CA10: variants seen among roughly 807,000 people sequenced by gnomAD.
CA10 encodes carbonic anhydrase-related protein 10.
In CA10, 14 loss-of-function variants were observed where a neutral mutation model predicts 44.2. The observed-to-expected ratio is 0.32, with a 90% CI of 0.21 to 0.50. CA10 has a LOEUF of 0.50. CA10 is among the 20% of genes least tolerant of loss of function. CA10 has a pLI of 0.99. For synonymous variants in CA10, 159 were observed against 141.6 expected (o/e 1.12, Z -0.87); for missense variants, 350 against 409.7 (o/e 0.85, Z 1.26).
At chr17:51,997,292 CCATACCTAGCGCTGTTTTGTTCATCCATG>C (rs1316229308) in intron 2 of CA10, among the ~76,000 whole-genome samples, 1 of 152,050 alleles carries the variant, frequency 6.6e-6, no homozygotes, top group East Asian at 1.9e-4. Flanking sequence ...ATTCATCCAT[CCATACCTAGCGCTGTTTTGTTCATCCATG>C]CATACCTAGC....
rs536294240 is a variant in CA10 at position 51,819,635 on chromosome 17, C to G, written c.280-71817G>C. ...CTGAAGTCACCTAGCAGATTTGCAG[C>G]CTAAAAATAAAGTAACTTTCCAGCA... On this transcript the variant is annotated intron_variant, in intron 3 of 8. Coordinates refer to ENST00000451037, the MANE Select transcript of CA10 (RefSeq NM_020178.5). Among the ~76,000 whole-genome samples, 25 of 152,308 alleles carry G rather than the reference C, an allele frequency of 1.6e-4. No individual in the cohort carries two copies. The South Asian group carries it at 5.2e-3, about 32-fold the overall frequency.
intron 3 of CA10, among the ~76,000 whole-genome samples, chr17:51,924,586 T>C (rs1310213719): frequency 6.6e-6 from 1 of 152,198 alleles, no homozygotes; most frequent in Non-Finnish European, 1.5e-5. Context: ...ATGGACTGAT[T>C]CAACAAGCTC....
chr17:52,060,024 T>A (rs1987339999), intron 2 of CA10, among the ~76,000 whole-genome samples: 1 of 152,202 alleles, frequency 6.6e-6, no homozygotes, highest in Non-Finnish European at 1.5e-5. Context: ...TCTAGCCTTG[T>A]TGAATCTTCC....
chr17:51,860,211 T>C (rs1979240704), intron 3 of CA10, among the ~76,000 whole-genome samples: 1 of 152,210 alleles, frequency 6.6e-6, no homozygotes, highest in South Asian at 2.1e-4. Context: ...GCATTAATTT[T>C]TAAATGGCAT....
rs11870209 is a variant in CA10 at position 51,635,939 on chromosome 17, G to A, written c.705C>T (p.Tyr235=). Residue 235 remains tyrosine (Y), a synonymous_variant, in exon 7 of 9, where the codon TAC becomes TAT. Transcript: ENST00000451037. ...LYPETSSFIT[Y]DGSMTIPPCY... ...AGGGTGGGATAGTCATCGACCCATC[G>A]TAAGTGATGAAACTAGAGGTCTCTG... 732,176 of 1,604,616 alleles carry A rather than the reference G, an allele frequency of 0.46. 170,765 individuals carry two copies. Among genetic ancestry groups the A allele is most frequent in the Non-Finnish European group, 0.47 (555,515 of 1,173,458 alleles).
intron 3 of CA10, among the ~76,000 whole-genome samples, chr17:51,825,165 C>T (rs986237012): frequency 1.2e-4 from 18 of 152,196 alleles, no homozygotes; most frequent in African/African-American, 3.9e-4. Context: ...ATCAGAGCCT[C>T]GCTGCATTTT....
At chr17:51,670,758 T>C (rs1429502655) in intron 4 of CA10, among the ~76,000 whole-genome samples, 1 of 152,198 alleles carries the variant, frequency 6.6e-6, no homozygotes, top group Non-Finnish European at 1.5e-5. Context: ...CCTGTTCTGA[T>C]GCATTATCTC....
intron 2 of CA10, among the ~76,000 whole-genome samples, chr17:52,054,301 C>T (rs1386587210): frequency 5.0e-5 from 7 of 140,590 alleles, no homozygotes; most frequent in Admixed American, 4.9e-4. Context: ...GAAATAAGCC[C>T]CAGTCTCCTG....
At chr17:51,853,103 G>A (rs934827195) in intron 3 of CA10, among the ~76,000 whole-genome samples, 9 of 152,016 alleles carry the variant, frequency 5.9e-5, no homozygotes, top group Non-Finnish European at 1.2e-4. Flanking sequence ...TCCACTGAGA[G>A]ACATTAAACT....
chr17:51,817,902 G>A (rs1473307072), intron 3 of CA10, among the ~76,000 whole-genome samples: 2 of 152,242 alleles, frequency 1.3e-5, no homozygotes, highest in Non-Finnish European at 2.9e-5. Flanking sequence ...CCACCGTGGT[G>A]TAATTAGTAA....
intron 2 of CA10, among the ~76,000 whole-genome samples, chr17:51,943,950 TGA>T (rs1398970948): frequency 6.6e-6 from 1 of 152,006 alleles, no homozygotes; most frequent in African/African-American, 2.4e-5. Context: ...CCCTGCCCCT[TGA>T]GAGAGTTACA....
chr17:52,078,690 T>C (rs1285040741), intron 1 of CA10, among the ~76,000 whole-genome samples: 1 of 152,210 alleles, frequency 6.6e-6, no homozygotes, highest in Non-Finnish European at 1.5e-5. Context: ...TTTCCTTGCA[T>C]GGCCAATTTT....
chr17:51,748,574 T>C, intron 3 of CA10: 1 of 671,716 alleles, frequency 1.5e-6, no homozygotes, highest in Non-Finnish European at 1.8e-6. Flanking sequence ...TCTAGAACAC[T>C]CATTCCCATC....
At chr17:51,821,773 A>G (rs1239068872) in intron 3 of CA10, among the ~76,000 whole-genome samples, 2 of 152,110 alleles carry the variant, frequency 1.3e-5, no homozygotes, top group Non-Finnish European at 2.9e-5. Context: ...AGACTACTTA[A>G]TACCAAGCTA....
At chr17:51,679,252 G>C (rs10655609) in intron 4 of CA10, among the ~76,000 whole-genome samples, 1 of 115,118 alleles carries the variant, frequency 8.7e-6, no homozygotes, top group African/African-American at 3.3e-5. Context: ...GTCTGAGACT[G>C]TTTTTCTTTC....
chr17:52,116,806 C>G (rs1384556044), intron 1 of CA10, among the ~76,000 whole-genome samples: 1 of 152,128 alleles, frequency 6.6e-6, no homozygotes, highest in Admixed American at 6.5e-5. Flanking sequence ...TCTCCCTGTG[C>G]ACACCAGTAA....
intron 3 of CA10, among the ~76,000 whole-genome samples, chr17:51,791,365 T>C (rs1002092191): frequency 6.6e-6 from 1 of 152,242 alleles, no homozygotes; most frequent in African/African-American, 2.4e-5. Flanking sequence ...TATCTTCATT[T>C]ACAAAGTTAA....
intron 1 of CA10, among the ~76,000 whole-genome samples, chr17:52,154,358 A>G (rs1233153081): frequency 6.6e-6 from 1 of 152,220 alleles, no homozygotes; most frequent in Non-Finnish European, 1.5e-5. Flanking sequence ...TATGTGCAAT[A>G]TATGTACAAT....
At chr17:52,012,588 G>A (rs1320257630) in intron 2 of CA10, among the ~76,000 whole-genome samples, 1 of 151,958 alleles carries the variant, frequency 6.6e-6, no homozygotes, top group African/African-American at 2.4e-5. Context: ...TCCAAGAAAT[G>A]TAAATGGTTC....
Sources: gnomAD v4.1 joint callset for allele counts (sites outside exome capture counted in the v4.1 genomes callset) on GRCh38, gnomAD v4.1.1 for gene constraint, MANE v1.5 for transcripts, NCBI Gene and HGNC (gene_info 2026-07-23, HGNC 2026-07-21) for gene names.